The following SPIDR variants were observed in gnomAD, a reference collection of about 807,000 sequenced individuals.
SPIDR encodes DNA repair-scaffolding protein.
SPIDR carries 93 observed loss-of-function variants against 104.6 expected under a neutral mutation model. The observed-to-expected ratio is 0.89, with a 90% CI of 0.75 to 1.06. The LOEUF (loss-of-function observed/expected upper bound fraction) is 1.06. Among genes scored for constraint, SPIDR ranks in the 50% least tolerant of loss-of-function variants. SPIDR has a pLI of 0.00. For synonymous variants in SPIDR, 431 were observed against 416.9 expected, an observed-to-expected ratio of 1.03 and a Z score of -0.41; for missense variants, 1,154 against 1,111.2, an observed-to-expected ratio of 1.04 and a Z score of -0.55.
chr8:47,655,998 T>C (rs1423757497), intron 10 of SPIDR, among the ~76,000 whole-genome samples: 2 of 152,242 alleles, frequency 1.3e-5, no homozygotes, highest in Non-Finnish European at 2.9e-5. Flanking sequence ...GGTTTTGGAA[T>C]GACTAGGTAT....
At chr8:47,282,947 C>A (rs1255565089) in intron 2 of SPIDR, among the ~76,000 whole-genome samples, 1 of 152,010 alleles carries the variant, frequency 6.6e-6, no homozygotes, top group Non-Finnish European at 1.5e-5. Flanking sequence ...CCTCCACCTC[C>A]CAGGTTCAGG....
intron 8 of SPIDR, among the ~76,000 whole-genome samples, chr8:47,519,651 G>A (rs530730752): frequency 6.6e-6 from 1 of 152,230 alleles, no homozygotes; most frequent in East Asian, 1.9e-4. Context: ...CAGGCATGGT[G>A]GCACAGGCCT....
At position 47,712,744 on chromosome 8, in the gene SPIDR, A is replaced by T. The variant is rs761778317; in HGVS notation, c.2060A>T (p.Asp687Val). 1 of 1,613,880 alleles carries T rather than the reference A, an allele frequency of 6.2e-7. No individual in the cohort carries two copies. Among genetic ancestry groups the T allele is most frequent in the Non-Finnish European group, 8.5e-7 (1 of 1,180,020 alleles). The part of the protein sequence containing the change: ...DVTLQTKEER[D>V]PRLPKTLLVY... The stretch of plus-strand genomic sequence containing the variant: ...ACTCTGCAAACGAAGGAGGAGAGAG[A>T]CCCCAGGCTCCCCAAAACCCTGCTG... Residue 687 changes from aspartate to valine, a missense_variant, in exon 15 of 20, where the codon GAC becomes GTC. Asp to Val is a radical substitution (Grantham distance 152). Transcript: ENST00000297423.
At chr8:47,327,391 CTTT>C (rs375122007) in intron 5 of SPIDR, among the ~76,000 whole-genome samples, 7 of 132,582 alleles carry the variant, frequency 5.3e-5, no homozygotes, top group Non-Finnish European at 3.3e-5. Context: ...GGTTTTTTCA[CTTT>C]TTTTTTTTTT....
chr8:47,559,315 T>C (rs890421954), intron 8 of SPIDR, among the ~76,000 whole-genome samples: 6 of 152,236 alleles, frequency 3.9e-5, no homozygotes, highest in Non-Finnish European at 8.8e-5. Context: ...TCCATAAGTA[T>C]ATACCAGTGT....
chr8:47,630,642 T>C (rs2066919012), intron 10 of SPIDR, among the ~76,000 whole-genome samples: 1 of 152,194 alleles, frequency 6.6e-6, no homozygotes, highest in African/African-American at 2.4e-5. Context: ...AGTTGGCCTT[T>C]CCAGGGCAAT....
chr8:47,442,024 A>T (rs1554697556), intron 8 of SPIDR, among the ~76,000 whole-genome samples: 1 of 152,084 alleles, frequency 6.6e-6, no homozygotes, highest in East Asian at 1.9e-4. Flanking sequence ...ATACTATTTC[A>T]GTTACTATAG....
chr8:47,475,321 C>A (rs141952310), intron 8 of SPIDR, among the ~76,000 whole-genome samples: 2 of 152,150 alleles, frequency 1.3e-5, no homozygotes, highest in Non-Finnish European at 2.9e-5. Context: ...AGAGCATGCT[C>A]GGATTGGAGT....
At chr8:47,705,291 A>G (rs1589369188) in intron 14 of SPIDR, among the ~76,000 whole-genome samples, 1 of 152,116 alleles carries the variant, frequency 6.6e-6, no homozygotes, top group African/African-American at 2.4e-5. Context: ...ACAGGCTCCC[A>G]CCAGTGCCAA....
chr8:47,304,922 T>C (rs2042869165), intron 5 of SPIDR, among the ~76,000 whole-genome samples: 1 of 152,192 alleles, frequency 6.6e-6, no homozygotes, highest in Non-Finnish European at 1.5e-5. Context: ...CACAAGAATG[T>C]GTTGTTATAA....
chr8:47,322,602 G>A (rs1212621160), intron 5 of SPIDR, among the ~76,000 whole-genome samples: 8 of 152,164 alleles, frequency 5.3e-5, no homozygotes, highest in Non-Finnish European at 1.2e-4. Flanking sequence ...ATACCCAAAG[G>A]ATTATAAATC....
At chr8:47,732,336 T>G in intron 19 of SPIDR, 1 of 637,832 alleles carries the variant, frequency 1.6e-6, no homozygotes, top group Admixed American at 2.4e-5. Context: ...AGAGCACCTT[T>G]GCCCATGCCC....
At chr8:47,541,750 T>A (rs1435404621) in intron 8 of SPIDR, among the ~76,000 whole-genome samples, 4 of 151,870 alleles carry the variant, frequency 2.6e-5, no homozygotes, top group Non-Finnish European at 5.9e-5. Context: ...TACAAAAAAA[T>A]TAGCTGAGTT....
At chr8:47,350,825 A>G (rs2053369329) in intron 5 of SPIDR, among the ~76,000 whole-genome samples, 1 of 152,172 alleles carries the variant, frequency 6.6e-6, no homozygotes, top group African/African-American at 2.4e-5. Flanking sequence ...CTTTATCCAC[A>G]GTTTGGTTTT....
At chr8:47,285,328 T>G (rs1211049089) in intron 3 of SPIDR, among the ~76,000 whole-genome samples, 7 of 152,222 alleles carry the variant, frequency 4.6e-5, no homozygotes, top group South Asian at 2.1e-4. Flanking sequence ...TCTTTAAAAT[T>G]TATAAAGTGT....
At chr8:47,310,154 G>A (rs587613720) in intron 5 of SPIDR, among the ~76,000 whole-genome samples, 143 of 151,074 alleles carry the variant, frequency 9.5e-4, no homozygotes, top group African/African-American at 3.2e-3. Flanking sequence ...CTAACACAGT[G>A]AAACCCCGTC....
chr8:47,353,102 T>C (rs2053869752), intron 5 of SPIDR, among the ~76,000 whole-genome samples: 1 of 151,748 alleles, frequency 6.6e-6, no homozygotes, highest in East Asian at 1.9e-4. Context: ...ATGATACAAT[T>C]TTGTTCAACT....
chr8:47,362,307 G>A (rs193065094), intron 5 of SPIDR, among the ~76,000 whole-genome samples: 139 of 152,272 alleles, frequency 9.1e-4, no homozygotes, highest in Middle Eastern at 3.4e-3. Context: ...GTGATTAGCC[G>A]CAGAGTTGAA....
At chr8:47,620,275 T>C (rs970807093) in intron 10 of SPIDR, among the ~76,000 whole-genome samples, 6 of 1,888 alleles carry the variant, frequency 3.2e-3, no homozygotes, top group Admixed American at 7.0e-3. Flanking sequence ...ATTTAAACCT[T>C]TTTTTTTTTT....
Sources: allele counts gnomAD v4.1 joint callset (sites outside exome capture counted in the v4.1 genomes callset), GRCh38; gene constraint gnomAD v4.1.1; transcripts MANE v1.5; gene names NCBI Gene and HGNC (gene_info 2026-07-23, HGNC 2026-07-21).